SNAP91: variants seen among roughly 807,000 people sequenced by gnomAD.
SNAP91 encodes the protein clathrin coat assembly protein AP180.
In SNAP91, 27 loss-of-function variants were observed where a neutral mutation model predicts 100.3. The ratio of observed to expected loss-of-function variants is 0.27; its 90% CI spans 0.20 to 0.37. The LOEUF is 0.37. Ranked by LOEUF, SNAP91 falls within the 10% of genes least tolerant of loss-of-function variation. The pLI is 1.00. For synonymous variants in SNAP91, 404 were observed against 398.6 expected (o/e 1.01, Z -0.16); for missense variants, 986 against 1,123.7 (o/e 0.88, Z 1.75).
In SNAP91 at chr6:83,638,582, G is replaced by A. The variant is rs976851976; in HGVS notation, c.765+2514C>T. The stretch of plus-strand genomic sequence containing the variant: ...AGAGGCATTTTTATGAGACTGACTC[G>A]CTGCCTACTGTGATAAGAAGGCACT... On this transcript the variant is annotated intron_variant, in intron 8 of 29. Transcript: ENST00000369694. 8.6e-5 allele frequency among the ~76,000 whole-genome samples: 13 copies of A among 152,008 alleles called. No homozygotes were observed. The South Asian group carries it at 2.3e-3, about 27-fold the overall frequency.
chr6:83,701,201 C>CCT (rs1388713166), intron 2 of SNAP91, among the ~76,000 whole-genome samples: 1 of 152,048 alleles, frequency 6.6e-6, no homozygotes, highest in African/African-American at 2.4e-5. Context: ...GCCAAAGAGA[C>CCT]ATGTGTGTGG....
chr6:83,702,587 T>G (rs1027503807), intron 2 of SNAP91, among the ~76,000 whole-genome samples: 2 of 152,184 alleles, frequency 1.3e-5, no homozygotes, highest in Non-Finnish European at 2.9e-5. Flanking sequence ...CTACTATCTA[T>G]ATAATGTTTA....
At chr6:83,592,415 A>G (rs1308666207) in intron 21 of SNAP91, 40 bp downstream of exon 21, 1 of 1,349,684 alleles carries the variant, frequency 7.4e-7, no homozygotes, top group Non-Finnish European at 1.0e-6. Context: ...TTCTGAAGAA[A>G]AAAAGATTCC....
chr6:83,566,477 T>C (rs1004389456), intron 26 of SNAP91, among the ~76,000 whole-genome samples: 7 of 152,150 alleles, frequency 4.6e-5, no homozygotes, highest in African/African-American at 1.7e-4. Flanking sequence ...CAGACCTGAA[T>C]TGCATCATTA....
intron 22 of SNAP91, among the ~76,000 whole-genome samples, chr6:83,583,733 C>CA (rs1475364091): frequency 6.6e-6 from 1 of 152,084 alleles, no homozygotes; most frequent in Non-Finnish European, 1.5e-5. Flanking sequence ...AACAATGTTT[C>CA]AAAAAACATC....
chr6:83,609,304 C>T (rs1356724915), intron 12 of SNAP91, among the ~76,000 whole-genome samples: 1 of 151,988 alleles, frequency 6.6e-6, no homozygotes, highest in Non-Finnish European at 1.5e-5. Flanking sequence ...CAGACCAACC[C>T]AAAGGATGCC....
At chr6:83,690,212 G>T in intron 2 of SNAP91, 1 of 920,216 alleles carries the variant, frequency 1.1e-6, no homozygotes, top group Non-Finnish European at 1.3e-6. Context: ...TTTTTTTCAG[G>T]GAATACTTAC....
At chr6:83,635,103 C>T (rs957377730) in intron 8 of SNAP91, among the ~76,000 whole-genome samples, 1 of 152,152 alleles carries the variant, frequency 6.6e-6, no homozygotes, top group Non-Finnish European at 1.5e-5. Flanking sequence ...GTGACAAGAA[C>T]ATACATTCTG....
chr6:83,697,995 G>A (rs567017143), intron 2 of SNAP91, among the ~76,000 whole-genome samples: 1 of 151,998 alleles, frequency 6.6e-6, no homozygotes, highest in African/African-American at 2.4e-5. Flanking sequence ...AAATGCACAG[G>A]GGGCCATGTA....
intron 8 of SNAP91, among the ~76,000 whole-genome samples, chr6:83,625,972 A>C (rs951140483): frequency 1.3e-5 from 2 of 151,920 alleles, no homozygotes; most frequent in African/African-American, 4.8e-5. Context: ...GCATTTTCTA[A>C]GTTTCCTTCT....
At chr6:83,638,889 T>A (rs1241371103) in intron 8 of SNAP91, among the ~76,000 whole-genome samples, 1 of 152,308 alleles carries the variant, frequency 6.6e-6, no homozygotes, top group East Asian at 1.9e-4. Context: ...AAACTAAGAA[T>A]AACTTGGTTC....
chr6:83,674,565 G>T (rs925395231), intron 2 of SNAP91, among the ~76,000 whole-genome samples: 1 of 152,108 alleles, frequency 6.6e-6, no homozygotes, highest in Admixed American at 6.5e-5. Context: ...CAGACCTATG[G>T]CCTCTCAAGT....
chr6:83,665,668 T>C, intron 2 of SNAP91, 87 bp from the exon 3 acceptor site: 1 of 1,178,968 alleles, frequency 8.5e-7, no homozygotes, highest in Non-Finnish European at 1.2e-6. Context: ...GCCTGTTTAC[T>C]AATATATGAC....
intron 9 of SNAP91, among the ~76,000 whole-genome samples, chr6:83,621,583 T>A (rs1365988985): frequency 6.6e-6 from 1 of 152,156 alleles, no homozygotes; most frequent in Non-Finnish European, 1.5e-5. Context: ...ATAAATATTA[T>A]AATGACTATA....
intron 2 of SNAP91, among the ~76,000 whole-genome samples, chr6:83,680,673 C>A (rs2098976648): frequency 6.6e-6 from 1 of 152,072 alleles, no homozygotes; most frequent in Non-Finnish European, 1.5e-5. Flanking sequence ...AGTTTCTTAG[C>A]CTTGGCACTA....
At chr6:83,617,077 T>C in intron 9 of SNAP91, 38 bp from the exon 10 acceptor site, 3 of 1,388,860 alleles carry the variant, frequency 2.2e-6, no homozygotes, top group Non-Finnish European at 3.0e-6. Flanking sequence ...CTGCATTGTT[T>C]ACTTTCAATG....
chr6:83,603,152 GCTAT>G (rs1276776743), intron 14 of SNAP91, among the ~76,000 whole-genome samples: 2 of 152,070 alleles, frequency 1.3e-5, no homozygotes, highest in South Asian at 2.1e-4. Flanking sequence ...TAACTTGAGA[GCTAT>G]CTTAGTTTTT....
chr6:83,619,706 T>C (rs916532368), intron 9 of SNAP91, among the ~76,000 whole-genome samples: 22 of 152,148 alleles, frequency 1.4e-4, no homozygotes, highest in African/African-American at 5.1e-4. Flanking sequence ...ATCAAAAACA[T>C]AAGATTTTTT....
chr6:83,691,581 C>A (rs1213329354), intron 2 of SNAP91, among the ~76,000 whole-genome samples: 1 of 152,014 alleles, frequency 6.6e-6, no homozygotes, highest in East Asian at 1.9e-4. Flanking sequence ...GTGCTCAATG[C>A]AAATATATTT....
Sources: gnomAD v4.1 joint callset for allele counts (sites outside exome capture counted in the v4.1 genomes callset) on GRCh38, gnomAD v4.1.1 for gene constraint, MANE v1.5 for transcripts, NCBI Gene and HGNC (gene_info 2026-07-23, HGNC 2026-07-21) for gene names.